The following KCTD8 variants were observed in gnomAD, a reference collection of about 807,000 sequenced individuals.
KCTD8 encodes the protein BTB/POZ domain-containing protein KCTD8.
KCTD8 carries 27 observed loss-of-function variants against 31.5 expected under a neutral mutation model. The ratio of observed to expected loss-of-function variants is 0.86; its 90% CI spans 0.63 to 1.18. The LOEUF (loss-of-function observed/expected upper bound fraction) is 1.18. KCTD8 is among the 50% of genes most tolerant of loss of function. The probability of loss-of-function intolerance (pLI) is 0.00; values close to 1 mark genes in which losing one functional copy is unlikely to be tolerated. For missense variants in KCTD8, 658 were observed against 647.7 expected, an observed-to-expected ratio of 1.02 and a Z score of -0.17; for synonymous variants, 290 against 280.0, an observed-to-expected ratio of 1.04 and a Z score of -0.36.
At chr4:44,274,682 A>G (rs1396347180) in intron 1 of KCTD8, among the ~76,000 whole-genome samples, 2 of 152,022 alleles carry the variant, frequency 1.3e-5, no homozygotes, top group Middle Eastern at 3.4e-3. Flanking sequence ...TACTTGTATC[A>G]TTCATAATGA....
intron 1 of KCTD8, among the ~76,000 whole-genome samples, chr4:44,259,250 T>C (rs963503165): frequency 6.6e-6 from 1 of 150,586 alleles, no homozygotes; most frequent in Admixed American, 6.6e-5. Flanking sequence ...ATCTTCCACA[T>C]GCAAGTCAAA....
chr4:44,323,506 C>A (rs563542821), intron 1 of KCTD8, among the ~76,000 whole-genome samples: 3 of 134,792 alleles, frequency 2.2e-5, no homozygotes, highest in East Asian at 2.4e-4. Flanking sequence ...ACCCACCCCC[C>A]CCCAAAAAAA....
At chr4:44,411,543 T>C (rs986454646) in intron 1 of KCTD8, among the ~76,000 whole-genome samples, 6 of 152,134 alleles carry the variant, frequency 3.9e-5, no homozygotes, top group Non-Finnish European at 8.8e-5. Flanking sequence ...TTTTTTCAAA[T>C]GTGATACACA....
At chr4:44,407,616 C>A (rs1323711126) in intron 1 of KCTD8, among the ~76,000 whole-genome samples, 1 of 152,008 alleles carries the variant, frequency 6.6e-6, no homozygotes, top group African/African-American at 2.4e-5. Context: ...AAACCCCCGA[C>A]CTCAGATGAT....
intron 1 of KCTD8, among the ~76,000 whole-genome samples, chr4:44,217,466 G>A (rs780103967): frequency 6.6e-6 from 1 of 152,140 alleles, no homozygotes; most frequent in Non-Finnish European, 1.5e-5. Flanking sequence ...GAATGAATAA[G>A]ACTGTGATGG....
rs778642107 is a variant in KCTD8, at chr4:44,448,160, C to G, written c.364G>C (p.Glu122Gln). Residue 122 changes from glutamate (E) to glutamine (Q), a missense_variant, in exon 1 of 2, where the codon GAG (glutamate) becomes CAG (glutamine). Coordinates refer to ENST00000360029, the MANE Select transcript of KCTD8 (RefSeq NM_198353.3). This position sits in a 1 kb window ranked among gnomAD's most constrained non-coding sequence, Gnocchi z 4.1. ...YLRDKQLALPEHFPEKERLLR... is the reference protein window; with the variant it reads ...YLRDKQLALPQHFPEKERLLR... ...AGCCGCTCCTTCTCGGGGAAGTGCT[C>G]CGGCAGCGCGAGTTGCTTGTCCCGC... The G allele has an allele frequency of 5.0e-5, 80 of 1,612,414 alleles. No homozygotes were observed. The highest frequency in any genetic ancestry group is 1.0e-4 in the Admixed American group (6 of 59,960).
intron 1 of KCTD8, among the ~76,000 whole-genome samples, chr4:44,272,389 T>C (rs1372240063): frequency 1.3e-5 from 2 of 151,964 alleles, no homozygotes; most frequent in Admixed American, 1.3e-4. Flanking sequence ...CGCACAGACT[T>C]GTCCCATCGC....
At chr4:44,195,932 A>G (rs892637626) in intron 1 of KCTD8, among the ~76,000 whole-genome samples, 6 of 152,266 alleles carry the variant, frequency 3.9e-5, no homozygotes, top group African/African-American at 1.2e-4. Flanking sequence ...CAAGGCATAC[A>G]TAGTCAAATA....
chr4:44,440,839 G>C lies in KCTD8; in HGVS notation c.961+6724C>G, dbSNP rs75528362. On this transcript the variant is annotated intron_variant, in intron 1 of 1. Coordinates refer to ENST00000360029, the MANE Select transcript of KCTD8 (RefSeq NM_198353.3). ...TATCCTAGTGCACACAGAAAAGACAGAGAAGTGTGAAGGATTCTACAGCAG... is the reference window on the plus strand; with the variant it reads ...TATCCTAGTGCACACAGAAAAGACACAGAAGTGTGAAGGATTCTACAGCAG... 4.6e-3 allele frequency among the ~76,000 whole-genome samples: 707 copies of C among 152,250 alleles called. 4 individuals are homozygous for C. Among genetic ancestry groups the C allele is most frequent in the African/African-American group, 0.016 (677 of 41,552 alleles).
At chr4:44,232,022 CA>C (rs1169321257) in intron 1 of KCTD8, among the ~76,000 whole-genome samples, 3 of 152,044 alleles carry the variant, frequency 2.0e-5, no homozygotes, top group Non-Finnish European at 4.4e-5. Flanking sequence ...CCCAAGTTTA[CA>C]TATATATGGC....
chr4:44,268,955 G>A (rs1172006308), intron 1 of KCTD8, among the ~76,000 whole-genome samples: 2 of 152,130 alleles, frequency 1.3e-5, no homozygotes, highest in Non-Finnish European at 2.9e-5. Flanking sequence ...TGTGAAAACG[G>A]CCATCCTGCC....
chr4:44,277,910 C>T (rs1483854856), intron 1 of KCTD8, among the ~76,000 whole-genome samples: 1 of 151,860 alleles, frequency 6.6e-6, no homozygotes. Flanking sequence ...AATTTTACTC[C>T]ATTCCTAAAG....
intron 1 of KCTD8, among the ~76,000 whole-genome samples, chr4:44,343,540 C>T (rs1438322846): frequency 6.6e-6 from 1 of 152,066 alleles, no homozygotes; most frequent in East Asian, 1.9e-4. Context: ...CACCTGCTGT[C>T]TGAAAAATGG....
intron 1 of KCTD8, among the ~76,000 whole-genome samples, chr4:44,206,484 A>T (rs1714310156): frequency 6.6e-6 from 1 of 152,090 alleles, no homozygotes; most frequent in Non-Finnish European, 1.5e-5. Flanking sequence ...TATGTAGGTT[A>T]TTGCCACCTC....
chr4:44,264,203 C>T (rs77562582), intron 1 of KCTD8, among the ~76,000 whole-genome samples: 1 of 152,166 alleles, frequency 6.6e-6, no homozygotes, highest in Non-Finnish European at 1.5e-5. Flanking sequence ...AGAACCACCT[C>T]TTCCTGTAAT....
At chr4:44,253,957 G>A (rs781585882) in intron 1 of KCTD8, among the ~76,000 whole-genome samples, 46 of 151,926 alleles carry the variant, frequency 3.0e-4, no homozygotes, top group Non-Finnish European at 4.7e-4. Flanking sequence ...AACTATTGGC[G>A]CAAAGTGGAA....
At chr4:44,377,470 T>C (rs965495917) in intron 1 of KCTD8, among the ~76,000 whole-genome samples, 3 of 151,488 alleles carry the variant, frequency 2.0e-5, no homozygotes, top group African/African-American at 7.3e-5. Context: ...TTCTGGGGGG[T>C]AGAATTATGG....
At chr4:44,221,434 T>C (rs1714805292) in intron 1 of KCTD8, among the ~76,000 whole-genome samples, 1 of 151,850 alleles carries the variant, frequency 6.6e-6, no homozygotes, top group East Asian at 1.9e-4. Flanking sequence ...ACGGGACTAA[T>C]AGGATAGATG....
intron 1 of KCTD8, among the ~76,000 whole-genome samples, chr4:44,186,256 G>A (rs1713584272): frequency 6.6e-6 from 1 of 152,198 alleles, no homozygotes; most frequent in South Asian, 2.1e-4. Flanking sequence ...GGCGGCGGCT[G>A]AGGGGAATTT....
Sources: gnomAD v4.1 joint callset for allele counts (sites outside exome capture counted in the v4.1 genomes callset) on GRCh38, gnomAD v4.1.1 for gene constraint, Gnocchi (gnomAD v3.1) non-coding constraint, MANE v1.5 for transcripts, NCBI Gene and HGNC (gene_info 2026-07-23, HGNC 2026-07-21) for gene names.